AOAH: variants seen among roughly 807,000 people sequenced by gnomAD.
AOAH encodes acyloxyacyl hydrolase (neutrophil).
AOAH carries 64 observed loss-of-function variants against 92.2 expected under a neutral mutation model. The observed-to-expected ratio is 0.69, with a 90% confidence interval of 0.57 to 0.86. AOAH has a LOEUF of 0.86. Ranked by LOEUF, AOAH falls within the 40% of genes least tolerant of loss-of-function variation. The probability of loss-of-function intolerance (pLI) is 0.00; values close to 1 mark genes in which losing one functional copy is unlikely to be tolerated. For synonymous variants in AOAH, 263 were observed against 254.5 expected (o/e 1.03, Z -0.32); for missense variants, 656 against 694.6 (o/e 0.94, Z 0.62).
At chr7:36,519,931 GTCAC>G (rs1357600691) in intron 20 of AOAH, among the ~76,000 whole-genome samples, 1 of 152,206 alleles carries the variant, frequency 6.6e-6, no homozygotes, top group Non-Finnish European at 1.5e-5. Context: ...ACACTGGGTA[GTCAC>G]TCAATAAATA....
chr7:36,527,486 C>A (rs948804160), intron 19 of AOAH, among the ~76,000 whole-genome samples: 1 of 151,918 alleles, frequency 6.6e-6, no homozygotes, highest in Non-Finnish European at 1.5e-5. Context: ...TCTACCATAC[C>A]TTCCTCGAAG....
intron 20 of AOAH, chr7:36,514,512 A>G (rs898381064): frequency 6.5e-6 from 10 of 1,535,794 alleles, no homozygotes; most frequent in African/African-American, 1.4e-5. Context: ...CCCTTTATCC[A>G]TGATGTTAGC....
chr7:36,606,391 A>G (rs1791005027), intron 11 of AOAH, among the ~76,000 whole-genome samples: 1 of 152,210 alleles, frequency 6.6e-6, no homozygotes, highest in East Asian at 1.9e-4. Context: ...TTCAGCAGCT[A>G]GATTAAGGAT....
chr7:36,544,232 A>C (rs1785638095), intron 15 of AOAH, among the ~76,000 whole-genome samples: 1 of 152,040 alleles, frequency 6.6e-6, no homozygotes, highest in Non-Finnish European at 1.5e-5. Flanking sequence ...GGCATAAGCC[A>C]CTGCGCCCGG....
At chr7:36,606,897 G>A (rs1004042927) in intron 11 of AOAH, among the ~76,000 whole-genome samples, 2 of 152,156 alleles carry the variant, frequency 1.3e-5, no homozygotes, top group East Asian at 1.9e-4. Context: ...TAGATATTTC[G>A]GAGAGAAGCT....
chr7:36,539,304 G>C (rs922535194), intron 16 of AOAH, among the ~76,000 whole-genome samples: 7 of 152,312 alleles, frequency 4.6e-5, no homozygotes, highest in Non-Finnish European at 7.3e-5. Context: ...CCAGGGAAGG[G>C]ATAGTCCCTT....
At chr7:36,645,749 T>C (rs1234619134) in intron 4 of AOAH, among the ~76,000 whole-genome samples, 1 of 151,218 alleles carries the variant, frequency 6.6e-6, no homozygotes, top group Non-Finnish European at 1.5e-5. Context: ...ATGCAAAAAA[T>C]GAAGTCTGTT....
intron 4 of AOAH, among the ~76,000 whole-genome samples, chr7:36,643,373 A>T (rs1287026129): frequency 6.6e-6 from 1 of 152,176 alleles, no homozygotes; most frequent in African/African-American, 2.4e-5. Flanking sequence ...ATGATTGATG[A>T]GGTTTCACCA....
intron 9 of AOAH, among the ~76,000 whole-genome samples, chr7:36,618,848 T>C (rs925725847): frequency 6.6e-6 from 1 of 152,140 alleles, no homozygotes; most frequent in African/African-American, 2.4e-5. Flanking sequence ...TGGCATCTAG[T>C]GGATAGAGGT....
chr7:36,622,130 ATGTG>A (rs1215228711), intron 7 of AOAH, among the ~76,000 whole-genome samples: 2 of 152,118 alleles, frequency 1.3e-5, no homozygotes, highest in East Asian at 1.9e-4. Flanking sequence ...GTGTATATGC[ATGTG>A]TGTGTTTATG....
intron 3 of AOAH, among the ~76,000 whole-genome samples, chr7:36,665,150 G>A (rs10755851): frequency 0.6 from 91,282 of 152,020 alleles, 27,686 homozygotes; most frequent in South Asian, 0.66. Flanking sequence ...CATCTTGACA[G>A]TATTGATTCC....
chr7:36,637,221 C>T (rs1793582199), intron 5 of AOAH, among the ~76,000 whole-genome samples: 1 of 152,174 alleles, frequency 6.6e-6, no homozygotes, highest in Non-Finnish European at 1.5e-5. Context: ...TGATAACTAA[C>T]TCACATTTAT....
chr7:36,674,597 A>G (rs556355909), intron 2 of AOAH, among the ~76,000 whole-genome samples: 2 of 152,318 alleles, frequency 1.3e-5, no homozygotes, highest in East Asian at 3.9e-4. Context: ...GAGCACATGA[A>G]TGTTTTGTGA....
At chr7:36,525,626 C>G (rs1784360548) in intron 19 of AOAH, among the ~76,000 whole-genome samples, 2 of 152,138 alleles carry the variant, frequency 1.3e-5, no homozygotes, top group Admixed American at 1.3e-4. Context: ...ATCCAAAATG[C>G]TCTAAAATTC....
rs143107562 is a variant in AOAH at position 36,543,108 on chromosome 7, C to T, written c.1134-2617G>A. On this transcript the variant is annotated intron_variant, in intron 15 of 20. Coordinates refer to ENST00000617537, the MANE Select transcript of AOAH (RefSeq NM_001637.4). ...GAAAAAGATGTCTAATTTTACAAAC[C>T]CTCAGGGTATAGAACTGCATGCTAA... 1.8e-3 allele frequency among the ~76,000 whole-genome samples: 269 copies of T among 152,110 alleles called. 1 individual carries two copies. The highest frequency in any genetic ancestry group is 6.4e-3 in the African/African-American group (264 of 41,452).
chr7:36,688,777 G>A (rs925980668), intron 1 of AOAH, among the ~76,000 whole-genome samples: 18 of 151,126 alleles, frequency 1.2e-4, no homozygotes, highest in Non-Finnish European at 2.2e-4. Context: ...ATAAAGGCAA[G>A]AGACTTTGAG....
intron 13 of AOAH, among the ~76,000 whole-genome samples, chr7:36,558,461 T>TCTG (rs1786977340): frequency 6.6e-6 from 1 of 152,246 alleles, no homozygotes; most frequent in Non-Finnish European, 1.5e-5. Context: ...GAGGAGGCAG[T>TCTG]CTGCCTGTTC....
chr7:36,709,840 A>G (rs752719204), intron 1 of AOAH, among the ~76,000 whole-genome samples: 1 of 152,198 alleles, frequency 6.6e-6, no homozygotes, highest in Non-Finnish European at 1.5e-5. Flanking sequence ...CTTGCATATA[A>G]AAAACGAAAA....
At chr7:36,610,689 C>G (rs1300469466) in intron 11 of AOAH, among the ~76,000 whole-genome samples, 1 of 152,124 alleles carries the variant, frequency 6.6e-6, no homozygotes, top group Non-Finnish European at 1.5e-5. Context: ...AACAATAAAG[C>G]GTATGCACTC....
Sources: allele counts gnomAD v4.1 joint callset (sites outside exome capture counted in the v4.1 genomes callset), GRCh38; gene constraint gnomAD v4.1.1; transcripts MANE v1.5; gene names NCBI Gene and HGNC (gene_info 2026-07-23, HGNC 2026-07-21).